The following ORC4 variants were observed in gnomAD, a reference collection of about 807,000 sequenced individuals.
The protein encoded by ORC4 is origin recognition complex, subunit 4 homolog.
Under a neutral mutation model 63.9 loss-of-function variants are expected in ORC4, and 55 were observed. That is an observed-to-expected ratio of 0.86 (90% CI 0.69 to 1.08). The LOEUF (loss-of-function observed/expected upper bound fraction) is 1.08. Ranked by LOEUF, ORC4 falls within the 50% of genes least tolerant of loss-of-function variation. The pLI is 0.00. For missense variants in ORC4, 511 were observed against 504.4 expected (o/e 1.01, Z -0.13); for synonymous variants, 150 against 168.5 (o/e 0.89, Z 0.85).
In ORC4 at chr2:147,982,108, C is replaced by A. The variant is rs563088535; in HGVS notation, c.-17-6133G>T. 7.2e-5 allele frequency: 11 copies of A among 152,314 alleles called. No homozygotes were observed. The South Asian group carries it at 2.3e-3, about 32-fold the overall frequency. 9.4% of individuals were successfully genotyped at this position (152,314 alleles called of 1,614,324 possible). ...TAATTGAAAATTAAATAACAGAGTA[C>A]TCAATTATTGTCTTGACCCTTAAGC... On this transcript the variant is annotated intron_variant, in intron 1 of 13. Coordinates refer to ENST00000392857, the MANE Select transcript of ORC4 (RefSeq NM_181741.4).
intron 1 of ORC4, among the ~76,000 whole-genome samples, chr2:147,987,748 C>G (rs745558312): frequency 7.0e-4 from 106 of 151,956 alleles, no homozygotes; most frequent in Non-Finnish European, 1.1e-3. Context: ...GCAAAATAAC[C>G]CTCTGGAATA....
chr2:147,964,406 G>GA (rs890292450), intron 4 of ORC4, among the ~76,000 whole-genome samples: 2 of 151,434 alleles, frequency 1.3e-5, no homozygotes, highest in South Asian at 2.1e-4. Context: ...AGGCAGACAA[G>GA]AAAAAAAATA....
upstream of ORC4, chr2:148,021,280 AG>A: frequency 2.8e-6 from 1 of 356,744 alleles, no homozygotes; most frequent in South Asian, 2.3e-5. Flanking sequence ...GAGCCCTGAG[AG>A]GGGGATTGAG....
At position 147,948,501 on chromosome 2, in the gene ORC4, A is replaced by G. The variant is rs554591522; in HGVS notation, c.589-277T>C. Among the ~76,000 whole-genome samples, 154 of 152,156 alleles carry G rather than the reference A, an allele frequency of 1.0e-3. 2 individuals carry two copies. The highest frequency in any genetic ancestry group is 3.5e-3 in the African/African-American group (147 of 41,558). The stretch of plus-strand genomic sequence containing the variant: ...ACATGACTGTTTAAAAAAACTGACA[A>G]TATTGAATAGCTATATGTCACAATA... On this transcript the variant is annotated intron_variant, in intron 8 of 13. Transcript: ENST00000392857.
chr2:147,939,675 G>A (rs2105261150), intron 10 of ORC4, among the ~76,000 whole-genome samples: 1 of 152,188 alleles, frequency 6.6e-6, no homozygotes, highest in East Asian at 1.9e-4. Flanking sequence ...AATTTAGACA[G>A]AAGTTAGCTG....
chr2:147,948,543 T>A (rs1386736409), intron 8 of ORC4, among the ~76,000 whole-genome samples: 2 of 151,830 alleles, frequency 1.3e-5, no homozygotes, highest in African/African-American at 4.8e-5. Context: ...AGAGTGTCAA[T>A]AAGGAATTCT....
At chr2:147,977,606 T>G (rs547892641) in intron 1 of ORC4, among the ~76,000 whole-genome samples, 70 of 152,288 alleles carry the variant, frequency 4.6e-4, no homozygotes, top group Non-Finnish European at 7.6e-4. Flanking sequence ...CGTGACAGAT[T>G]CCCCAACTGT....
chr2:147,984,605 G>A (rs185945483), intron 1 of ORC4, among the ~76,000 whole-genome samples: 86 of 152,218 alleles, frequency 5.6e-4, no homozygotes, highest in African/African-American at 1.9e-3. Flanking sequence ...CATTACTGCA[G>A]TTCCAGAGCA....
At position 147,943,461 on chromosome 2, in the gene ORC4, T is replaced by A. The variant is rs1379551872; in HGVS notation, c.824A>T (p.Asn275Ile). The A allele has an allele frequency of 6.2e-7, 1 of 1,604,388 alleles. No individual in the cohort carries two copies. The highest frequency in any genetic ancestry group is 1.3e-5 in the African/African-American group (1 of 74,388). The change falls in exon 10 of 14, where the codon AAC (asparagine) becomes ATC (isoleucine). Residue 275 changes from asparagine (N) to isoleucine (I), a missense_variant. Physicochemically the swap from Asn to Ile is moderately radical, Grantham distance 149 (BLOSUM62 -3). Coordinates refer to ENST00000392857, the MANE Select transcript of ORC4 (RefSeq NM_181741.4). Reference sequence around the variant, plus strand: ...CAATAGCATGTGTAATGACCGCAGGTTTTTGCTGATATTGAAATGCTTCTG... The same window carrying A: ...CAATAGCATGTGTAATGACCGCAGGATTTTGCTGATATTGAAATGCTTCTG... ...VLQKHFNISK[N>I]LRSLHMLLML...
At chr2:147,971,997 C>T (rs1256722239) in intron 4 of ORC4, among the ~76,000 whole-genome samples, 1 of 151,860 alleles carries the variant, frequency 6.6e-6, no homozygotes, top group Non-Finnish European at 1.5e-5. Flanking sequence ...TTTTAAAGTA[C>T]ATTGGTCAAA....
At chr2:147,965,730 A>T (rs1689857195) in intron 4 of ORC4, among the ~76,000 whole-genome samples, 1 of 152,230 alleles carries the variant, frequency 6.6e-6, no homozygotes. Flanking sequence ...CCTAAAATAC[A>T]TCTATAGAAC....
At chr2:148,020,992 TC>T, upstream of ORC4, 1 of 150,750 alleles carries the variant, frequency 6.6e-6, no homozygotes, top group Non-Finnish European at 1.5e-5. Context: ...TTTCCTCCCC[TC>T]CCCCTCCTCC....
Position 147,935,412 on chromosome 2 carries a change from G to A in ORC4, c.*98C>T. ...GCAAGTCTCACATAAATACAAGAAT[G>A]TTTATAGAATGTTTAGCATATCATG... On this transcript the variant is annotated 3_prime_UTR_variant, in exon 14 of 14. Coordinates refer to ENST00000392857, the MANE Select transcript of ORC4 (RefSeq NM_181741.4). 1.1e-6 allele frequency: 1 copy of A among 911,816 alleles called. No homozygotes were observed. Among genetic ancestry groups the A allele is most frequent in the African/African-American group, 1.6e-5 (1 of 61,886 alleles). 56.5% of individuals were successfully genotyped at this position (911,816 alleles called of 1,614,324 possible).
At chr2:147,979,125 G>GA (rs891228672) in intron 1 of ORC4, among the ~76,000 whole-genome samples, 1 of 151,922 alleles carries the variant, frequency 6.6e-6, no homozygotes, top group Admixed American at 6.6e-5. Flanking sequence ...AATTAGGTAA[G>GA]AAAAAATAAA....
intron 11 of ORC4, 68 bp from the exon 12 acceptor site, chr2:147,938,461 GA>G: frequency 2.2e-6 from 2 of 901,820 alleles, no homozygotes; most frequent in South Asian, 2.6e-5. Context: ...GTTCTCCAAA[GA>G]ATACAATATA....
chr2:147,956,044 T>A (rs1224051956), intron 6 of ORC4, among the ~76,000 whole-genome samples: 2 of 152,038 alleles, frequency 1.3e-5, no homozygotes, highest in Non-Finnish European at 2.9e-5. Flanking sequence ...AGATGCATTA[T>A]CCAGGTGCTC....
chr2:148,010,942 C>T (rs781006862), intron 1 of ORC4, among the ~76,000 whole-genome samples: 7 of 150,392 alleles, frequency 4.7e-5, no homozygotes, highest in Non-Finnish European at 7.4e-5. Context: ...GATTCTCCTG[C>T]CTCAGCCTCC....
At chr2:148,002,932 A>G (rs1692405387) in intron 1 of ORC4, among the ~76,000 whole-genome samples, 1 of 152,222 alleles carries the variant, frequency 6.6e-6, no homozygotes, top group Admixed American at 6.5e-5. Flanking sequence ...AGGGGATATC[A>G]CCACTGATCC....
intron 4 of ORC4, among the ~76,000 whole-genome samples, chr2:147,962,936 C>G (rs1259723985): frequency 6.6e-6 from 1 of 152,062 alleles, no homozygotes; most frequent in Admixed American, 6.5e-5. Context: ...ATGACCTGTA[C>G]CTGAGAAACA....
Sources: gnomAD v4.1 joint callset for allele counts (sites outside exome capture counted in the v4.1 genomes callset) on GRCh38, gnomAD v4.1.1 for gene constraint, MANE v1.5 for transcripts, NCBI Gene and HGNC (gene_info 2026-07-23, HGNC 2026-07-21) for gene names.